ADAM8: variants seen among roughly 807,000 people sequenced by gnomAD.
ADAM8 encodes the protein ADAM metallopeptidase domain 8, also known as disintegrin and metalloproteinase domain-containing protein 8.
A neutral mutation model predicts 102.4 loss-of-function variants in ADAM8; 104 were observed. That is an observed-to-expected ratio of 1.02 (90% confidence interval 0.87 to 1.20). ADAM8 has a LOEUF of 1.20. ADAM8 is among the 50% of genes most tolerant of loss of function. The pLI is 0.00. For missense variants in ADAM8, 1,132 were observed against 1,159.0 expected, an observed-to-expected ratio of 0.98 and a Z score of 0.34; for synonymous variants, 517 against 485.2, an observed-to-expected ratio of 1.07 and a Z score of -0.86.
chr10:133,275,658 C>G, intron 1 of ADAM8, 71 bp from the exon 2 acceptor site: 1 of 804,210 alleles, frequency 1.2e-6, no homozygotes, highest in Non-Finnish European at 1.9e-6. Flanking sequence ...CTCCTGGGCC[C>G]TCAGATTCTG....
At chr10:133,273,671 C>A in intron 5 of ADAM8, 91 bp downstream of exon 5, 1 of 1,426,368 alleles carries the variant, frequency 7.0e-7, no homozygotes, top group Non-Finnish European at 9.5e-7. Flanking sequence ...GAGGAGGAGG[C>A]ACCCTCCCTG....
chr10:133,266,617 A>G (rs879570407), intron 21 of ADAM8, among the ~76,000 whole-genome samples: 12 of 152,118 alleles, frequency 7.9e-5, no homozygotes, highest in Non-Finnish European at 1.3e-4. Flanking sequence ...GAGGCTGCTC[A>G]CAATGTCCCG....
In ADAM8 at chr10:133,272,789, G is replaced by A. The variant is rs757144080; in HGVS notation, c.705+9C>T. 12 of 1,603,862 alleles carry A rather than the reference G, an allele frequency of 7.5e-6. No individual in the cohort carries two copies. The highest frequency in any genetic ancestry group is 6.7e-5 in the East Asian group (3 of 44,634). On this transcript the variant is annotated intron_variant, in intron 8 of 22. Transcript: ENST00000445355. Reference sequence around the variant, plus strand: ...CTCTGGCACCTCTGCAGCCAGGACCGCTGCCCACCTTGTCCACGTGATTCA... The same window carrying A: ...CTCTGGCACCTCTGCAGCCAGGACCACTGCCCACCTTGTCCACGTGATTCA...
Position 133,276,778 on chromosome 10 carries a change from G to A in ADAM8, c.40C>T (p.Leu14=). ...GTTCCCTGGAACCACTCACCAGGCA[G>A]CATCATCGCGCCCAGCAGCCAGAGC... The part of the protein sequence containing the change: ...LGLWLLGAMM[L]PAIAPSRPWA... The change falls in exon 1 of 23, where the codon CTG becomes TTG. Residue 14 remains leucine, a synonymous_variant. Transcript: ENST00000445355. 1.3e-6 allele frequency: 2 copies of A among 1,533,782 alleles called. No individual in the cohort carries two copies. The highest frequency in any genetic ancestry group is 8.8e-7 in the Non-Finnish European group (1 of 1,142,508).
chr10:133,269,430 G>T lies in ADAM8; in HGVS notation c.1948+15C>A. ...TTGGACCCCAGCCCCACCTGCGCTGGCCAGGGAGGCCTACCTGCGTGCACC... is the reference window on the plus strand; with the variant it reads ...TTGGACCCCAGCCCCACCTGCGCTGTCCAGGGAGGCCTACCTGCGTGCACC... On this transcript the variant is annotated intron_variant, in intron 18 of 22. Transcript: ENST00000445355. 6.4e-7 allele frequency: 1 copy of T among 1,561,680 alleles called. No homozygotes were observed.
intron 6 of ADAM8, 71 bp downstream of exon 6, chr10:133,273,183 C>T: frequency 6.3e-7 from 1 of 1,582,046 alleles, no homozygotes; most frequent in East Asian, 2.3e-5. Context: ...CATGGGGAGC[C>T]AGGAGGACTC....
chr10:133,276,732 C>A, intron 1 of ADAM8, 40 bp downstream of exon 1: 1 of 1,527,806 alleles, frequency 6.5e-7, no homozygotes, highest in Non-Finnish European at 8.8e-7. Context: ...AGCCACCCTG[C>A]CCCGCGCTGC....
chr10:133,268,213 G>C, intron 19 of ADAM8, 95 bp from the exon 20 acceptor site: 1 of 1,115,998 alleles, frequency 9.0e-7, no homozygotes, highest in East Asian at 3.2e-5. Flanking sequence ...GCCGACCCGA[G>C]AGGCTTCAGG....
Position 133,271,559 on chromosome 10 carries a change from C to T in ADAM8, c.1253G>A (p.Arg418His), listed in dbSNP as rs534037158. 12 of 1,559,452 alleles carry T rather than the reference C, an allele frequency of 7.7e-6. No individual in the cohort carries two copies. Among genetic ancestry groups the T allele is most frequent in the South Asian group, 4.7e-5 (4 of 84,830 alleles). Residue 418 changes from arginine (R) to histidine (H), a missense_variant, in exon 12 of 23, where the codon CGT (arginine) becomes CAT (histidine). Arg to His is a conservative substitution (Grantham distance 29, BLOSUM62 0). Transcript: ENST00000445355. The stretch of plus-strand genomic sequence containing the variant: ...GGGGCCGCAGTCGCACTGCTCCCCA[C>T]GCTCCACAAACAGGTTCCCACACAC... ...GPVCGNLFVE[R>H]GEQCDCGPPE...
At chr10:133,274,898 C>A in intron 2 of ADAM8, 1 of 434,348 alleles carries the variant, frequency 2.3e-6, no homozygotes, top group South Asian at 1.6e-5. Context: ...TTAGCTGTGC[C>A]ACCGGCTGGA....
At position 133,275,504 on chromosome 10, in the gene ADAM8, G is replaced by C; in HGVS notation, c.130C>G (p.Arg44Gly). 3 of 1,531,106 alleles carry C rather than the reference G, an allele frequency of 2.0e-6. No homozygotes were observed. The highest frequency in any genetic ancestry group is 2.5e-5 in the South Asian group (2 of 80,782). 94.8% of individuals were successfully genotyped at this position (1,531,106 alleles called of 1,614,324 possible). A position where few individuals can be genotyped will look rare whatever the true frequency, so the allele number is the denominator to read the frequency against. Residue 44 changes from arginine to glycine, a missense_variant, in exon 2 of 23, where the codon CGA becomes GGA. Coordinates refer to ENST00000445355, the MANE Select transcript of ADAM8 (RefSeq NM_001109.5). ...PWRLPGPRVR[R>G]ALPSHLGLHP... ...CTCACCAAGTGGGAGGGCAGAGCTC[G>C]GCGGACTCGGGGGCCTGGCAGACGC...
chr10:133,273,085 A>G (rs1846608702), intron 6 of ADAM8, 66 bp from the exon 7 acceptor site: 1 of 1,607,226 alleles, frequency 6.2e-7, no homozygotes, highest in South Asian at 1.1e-5. Flanking sequence ...TCCCTCAGGG[A>G]CCCGGGGCCA....
At chr10:133,274,733 C>T in intron 2 of ADAM8, 1 of 315,102 alleles carries the variant, frequency 3.2e-6, no homozygotes, top group South Asian at 2.2e-5. Flanking sequence ...GGATAGCACG[C>T]ACAGGCCCCT....
chr10:133,271,324 T>C (rs1846517706), intron 12 of ADAM8, 35 bp from the exon 13 acceptor site: 1 of 1,594,292 alleles, frequency 6.3e-7, no homozygotes, highest in Non-Finnish European at 8.5e-7. Context: ...CAGGCTGCAC[T>C]GGGGCCGGGC....
chr10:133,270,273 G>A, intron 16 of ADAM8, 87 bp downstream of exon 16: 1 of 1,494,678 alleles, frequency 6.7e-7, no homozygotes, highest in Non-Finnish European at 9.0e-7. Flanking sequence ...TCGAGCAGCT[G>A]CCAAGCTCAG....
chr10:133,262,985 C>T lies in ADAM8; in HGVS notation c.*171G>A, dbSNP rs1434700814. 3.7e-6 allele frequency: 3 copies of T among 803,336 alleles called. No individual in the cohort carries two copies. The highest frequency in any genetic ancestry group is 1.7e-5 in the African/African-American group (1 of 58,984). The allele number at this position is 803,336 out of a possible 1,614,324, so 49.8% of individuals were successfully genotyped here. ...GCGGGGAGAAGGAATTGGCTGAGGGCGTGGACAGCAGGAGCCTCTCAGGTA... is the reference window on the plus strand; with the variant it reads ...GCGGGGAGAAGGAATTGGCTGAGGGTGTGGACAGCAGGAGCCTCTCAGGTA... On this transcript the variant is annotated 3_prime_UTR_variant, in exon 23 of 23. Coordinates refer to ENST00000445355, the MANE Select transcript of ADAM8 (RefSeq NM_001109.5).
rs1846383869 is a variant in ADAM8 at position 133,268,030 on chromosome 10, C to T, written c.2152G>A (p.Ala718Thr). The T allele has an allele frequency of 1.6e-6, 2 of 1,262,272 alleles. No homozygotes were observed. The highest frequency in any genetic ancestry group is 1.5e-5 in the African/African-American group (1 of 65,170). The allele number at this position is 1,262,272 out of a possible 1,614,324, so 78.2% of individuals were successfully genotyped here. Residue 718 changes from alanine to threonine, a missense_variant, in exon 20 of 23, where the codon GCC becomes ACC. Transcript: ENST00000445355. ...AGCTCTTGGGGGCCCCTGGATGGGG[C>T]TGGAGCCCCGCCCTTGGCCGGCACG... ...SRVPAKGGAP[A>T]PSRGPQELVP... is the part of the protein sequence containing the mutation.
At chr10:133,263,893 G>T in intron 21 of ADAM8, 128 bp from the exon 22 acceptor site, 1 of 792,620 alleles carries the variant, frequency 1.3e-6, no homozygotes, top group Non-Finnish European at 1.9e-6. Context: ...GGAGCCTGCA[G>T]GCTCCGCCCC....
intron 21 of ADAM8, among the ~76,000 whole-genome samples, chr10:133,264,945 C>CGCAGCTCCTGCT (rs1564918865): frequency 7.9e-6 from 1 of 126,560 alleles, no homozygotes; most frequent in Admixed American, 7.8e-5. Flanking sequence ...TACCTCCACG[C>CGCAGCTCCTGCT]GCAGCTCCTG....
Sources: gnomAD v4.1 joint callset for allele counts (sites outside exome capture counted in the v4.1 genomes callset) on GRCh38, gnomAD v4.1.1 for gene constraint, MANE v1.5 for transcripts, NCBI Gene and HGNC (gene_info 2026-07-23, HGNC 2026-07-21) for gene names.